Variants in KHDRBS2 observed in about 807,000 individuals in gnomAD.
KHDRBS2 encodes the protein KH RNA binding domain containing, signal transduction associated 2.
In KHDRBS2, 26 loss-of-function variants were observed where a neutral mutation model predicts 44.3. The ratio of observed to expected loss-of-function variants is 0.59; its 90% CI spans 0.43 to 0.81. The LOEUF (loss-of-function observed/expected upper bound fraction) is 0.81. Ranked by LOEUF, KHDRBS2 falls within the 40% of genes least tolerant of loss-of-function variation. The pLI is 0.00. For missense variants in KHDRBS2, 476 were observed against 433.1 expected (o/e 1.10, Z -0.88); for synonymous variants, 194 against 151.1 (o/e 1.28, Z -2.08).
chr6:62,024,360 A>T (rs1244093900), intron 3 of KHDRBS2, among the ~76,000 whole-genome samples: 3 of 151,498 alleles, frequency 2.0e-5, no homozygotes, highest in African/African-American at 7.2e-5. Context: ...GCATTTCAAA[A>T]TTTTTTTGTA....
At chr6:61,775,555 G>A (rs570640406) in intron 6 of KHDRBS2, among the ~76,000 whole-genome samples, 2 of 152,048 alleles carry the variant, frequency 1.3e-5, no homozygotes, top group South Asian at 2.1e-4. Flanking sequence ...GCTTCAAAGA[G>A]AATAAAATAC....
At chr6:62,136,830 C>G (rs528046447) in intron 2 of KHDRBS2, among the ~76,000 whole-genome samples, 2 of 152,094 alleles carry the variant, frequency 1.3e-5, no homozygotes, top group African/African-American at 4.8e-5. Context: ...AAGCAAAGAG[C>G]CTTGCTCTTT....
the KHDRBS2 span, among the ~76,000 whole-genome samples, chr6:61,587,962 C>A: frequency 6.6e-6 from 1 of 152,140 alleles, no homozygotes; most frequent in Non-Finnish European, 1.5e-5. Flanking sequence ...CATTTTCAGG[C>A]AATGGACTTC....
At chr6:62,201,023 G>T (rs1189615231) in intron 1 of KHDRBS2, among the ~76,000 whole-genome samples, 1 of 152,088 alleles carries the variant, frequency 6.6e-6, no homozygotes, top group Admixed American at 6.6e-5. Context: ...CTCATAGGTG[G>T]GACTTGAACA....
chr6:61,783,416 G>A (rs1271490072), intron 6 of KHDRBS2, among the ~76,000 whole-genome samples: 1 of 152,068 alleles, frequency 6.6e-6, no homozygotes, highest in Non-Finnish European at 1.5e-5. Context: ...CTCCGCAGAA[G>A]ACTGAGAGCT....
intron 7 of KHDRBS2, among the ~76,000 whole-genome samples, chr6:61,716,756 G>A (rs981606119): frequency 1.3e-5 from 2 of 151,988 alleles, no homozygotes; most frequent in African/African-American, 4.8e-5. Flanking sequence ...TTGTGTGTGT[G>A]TGAAGCTAGG....
At chr6:62,180,127 G>C (rs1389816060) in intron 1 of KHDRBS2, among the ~76,000 whole-genome samples, 2 of 151,716 alleles carry the variant, frequency 1.3e-5, no homozygotes, top group African/African-American at 4.8e-5. Flanking sequence ...ACATGTTCCA[G>C]AGATCCAGAA....
chr6:61,744,975 TAGTTTTAC>T (rs1776661206), intron 6 of KHDRBS2, among the ~76,000 whole-genome samples: 1 of 152,184 alleles, frequency 6.6e-6, no homozygotes, highest in South Asian at 2.1e-4. Context: ...TTAATTTCAA[TAGTTTTAC>T]AAGTTTCAAA....
At chr6:61,578,429 C>T in the KHDRBS2 span, among the ~76,000 whole-genome samples, 11 of 152,156 alleles carry the variant, frequency 7.2e-5, no homozygotes, top group East Asian at 1.9e-4. Flanking sequence ...TGTAAAATCC[C>T]GGACTTTTAT....
In KHDRBS2 at chr6:62,126,451, C is replaced by T. The variant is rs191418639; in HGVS notation, c.219+50734G>A. On this transcript the variant is annotated intron_variant, in intron 2 of 8. Transcript: ENST00000281156. ...GCTAAAGAATGGATGGGTTCACCACCTGCTGATTGTAGAACCCTAGGGTCT... is the reference window on the plus strand; with the variant it reads ...GCTAAAGAATGGATGGGTTCACCACTTGCTGATTGTAGAACCCTAGGGTCT... Among the ~76,000 whole-genome samples, 532 of 152,284 alleles carry T rather than the reference C, an allele frequency of 3.5e-3. 2 individuals carry two copies. Among genetic ancestry groups the T allele is most frequent in the African/African-American group, 0.012 (516 of 41,556 alleles).
At chr6:61,853,791 C>T (rs923316339) in intron 6 of KHDRBS2, among the ~76,000 whole-genome samples, 1 of 152,196 alleles carries the variant, frequency 6.6e-6, no homozygotes, top group African/African-American at 2.4e-5. Flanking sequence ...GTTTTTCATA[C>T]ATCAGCTCCT....
intron 1 of KHDRBS2, among the ~76,000 whole-genome samples, chr6:62,215,568 A>G (rs1200384954): frequency 1.3e-5 from 2 of 151,852 alleles, no homozygotes; most frequent in Non-Finnish European, 2.9e-5. Flanking sequence ...ATAAAAAAAT[A>G]CGCCTTTTAA....
At chr6:62,109,481 A>G (rs1804486874) in intron 2 of KHDRBS2, among the ~76,000 whole-genome samples, 2 of 152,020 alleles carry the variant, frequency 1.3e-5, no homozygotes, top group African/African-American at 4.8e-5. Context: ...AAAAGAAAAA[A>G]GCCATTCAGG....
intron 1 of KHDRBS2, among the ~76,000 whole-genome samples, chr6:62,283,612 A>G (rs1239680205): frequency 6.6e-6 from 1 of 152,130 alleles, no homozygotes; most frequent in African/African-American, 2.4e-5. Context: ...CACTCCCTTC[A>G]ATCAGTGCAT....
chr6:62,256,783 C>G (rs916442830), intron 1 of KHDRBS2, among the ~76,000 whole-genome samples: 1 of 152,050 alleles, frequency 6.6e-6, no homozygotes, highest in Non-Finnish European at 1.5e-5. Flanking sequence ...GCAGGTTACA[C>G]TGAAGAGAAA....
intron 3 of KHDRBS2, among the ~76,000 whole-genome samples, chr6:61,999,322 A>C (rs1245124291): frequency 6.6e-6 from 1 of 152,096 alleles, no homozygotes; most frequent in Admixed American, 6.6e-5. Flanking sequence ...TAAAAATTCT[A>C]ATCAAGGTTT....
intron 1 of KHDRBS2, among the ~76,000 whole-genome samples, chr6:62,277,584 C>T (rs1036884769): frequency 6.6e-6 from 1 of 152,138 alleles, no homozygotes; most frequent in African/African-American, 2.4e-5. Flanking sequence ...CCTTGTGATC[C>T]ACCTGCCTCG....
intron 2 of KHDRBS2, among the ~76,000 whole-genome samples, chr6:62,114,478 AATG>A (rs1219941534): frequency 2.6e-5 from 4 of 152,108 alleles, no homozygotes; most frequent in Admixed American, 1.3e-4. Flanking sequence ...AACGGAACAG[AATG>A]ATATCAATTA....
rs1278072171 is a variant in KHDRBS2, at chr6:61,908,755, A to G, written c.484-7384T>C. ...CCCTAGGCCTACCCGTATTATGAAGATAATGCTCCACTTGTCAAAAAAATG... is the reference window on the plus strand; with the variant it reads ...CCCTAGGCCTACCCGTATTATGAAGGTAATGCTCCACTTGTCAAAAAAATG... On this transcript the variant is annotated intron_variant, in intron 4 of 8. Transcript: ENST00000281156. Among the ~76,000 whole-genome samples, 4 of 152,314 alleles carry G rather than the reference A, an allele frequency of 2.6e-5. No homozygotes were observed. In the East Asian group the frequency reaches 7.7e-4, roughly 29 times the overall value.
Sources: allele counts gnomAD v4.1 joint callset (sites outside exome capture counted in the v4.1 genomes callset), GRCh38; gene constraint gnomAD v4.1.1; transcripts MANE v1.5; gene names NCBI Gene and HGNC (gene_info 2026-07-23, HGNC 2026-07-21).